Variants in CRADD observed in about 807,000 individuals in gnomAD.
CRADD encodes death domain-containing protein CRADD.
In CRADD, 9 loss-of-function variants were observed where a neutral mutation model predicts 15.5. That is an observed-to-expected ratio of 0.58 (90% confidence interval 0.35 to 1.01). The LOEUF is 1.01. Among genes scored for constraint, CRADD ranks in the 50% least tolerant of loss-of-function variants. The probability of loss-of-function intolerance (pLI) is 0.02; values close to 1 mark genes in which losing one functional copy is unlikely to be tolerated. For synonymous variants in CRADD, 118 were observed against 107.6 expected, an observed-to-expected ratio of 1.10 and a Z score of -0.60; for missense variants, 227 against 250.3, an observed-to-expected ratio of 0.91 and a Z score of 0.63.
At chr12:93,806,619 C>T (rs527856821) in intron 2 of CRADD, among the ~76,000 whole-genome samples, 1 of 151,848 alleles carries the variant, frequency 6.6e-6, no homozygotes, top group Non-Finnish European at 1.5e-5. Flanking sequence ...TTGTTATATG[C>T]CATTGAAAGA....
rs79814376 is a variant in CRADD at position 93,820,826 on chromosome 12, C to G, written c.299-29144C>G. Reference sequence around the variant, plus strand: ...CAGTCCCTCTTGGTTTCCCGTTGCCCCTGAGCTCCAGATCAAATCCCAGCT... The same window carrying G: ...CAGTCCCTCTTGGTTTCCCGTTGCCGCTGAGCTCCAGATCAAATCCCAGCT... On this transcript the variant is annotated intron_variant, in intron 2 of 2. Transcript: ENST00000332896. Among the ~76,000 whole-genome samples, 626 of 152,324 alleles carry G rather than the reference C, an allele frequency of 4.1e-3. 6 individuals carry two copies. The highest frequency in any genetic ancestry group is 0.013 in the African/African-American group (550 of 41,578).
At chr12:93,886,257 T>G (rs1253182739) in intron 2 of CRADD, among the ~76,000 whole-genome samples, 1 of 147,690 alleles carries the variant, frequency 6.8e-6, no homozygotes, top group African/African-American at 2.5e-5. Flanking sequence ...CTCCACCTCC[T>G]GGGCTCGATC....
At chr12:93,779,654 A>G (rs957396252) in intron 2 of CRADD, among the ~76,000 whole-genome samples, 3 of 151,214 alleles carry the variant, frequency 2.0e-5, no homozygotes, top group Non-Finnish European at 4.4e-5. Context: ...CAGTGGTGCA[A>G]TCTCGGCCCA....
chr12:93,710,345 C>CTTTTTTT (rs34912218), intron 2 of CRADD, among the ~76,000 whole-genome samples: 1 of 128,288 alleles, frequency 7.8e-6, no homozygotes, highest in Non-Finnish European at 1.6e-5. Flanking sequence ...TTTCCTTTTC[C>CTTTTTTT]TTTTTTTTTT....
rs1326696098 is a variant in CRADD at position 93,778,569 on chromosome 12, T to C, written c.299-71401T>C. On this transcript the variant is annotated intron_variant, in intron 2 of 2. Transcript: ENST00000332896. The stretch of plus-strand genomic sequence containing the variant: ...GCTTAGCTGATTTCTTGAAATACAA[T>C]CTTTCTCTCATGCAATTTCCTCTCA... Among the ~76,000 whole-genome samples, 5 of 152,198 alleles carry C rather than the reference T, an allele frequency of 3.3e-5. No homozygotes were observed. The East Asian group carries it at 9.6e-4, about 29-fold the overall frequency.
chr12:93,693,987 C>T (rs1955637529), intron 2 of CRADD, among the ~76,000 whole-genome samples: 1 of 151,952 alleles, frequency 6.6e-6, no homozygotes, highest in Non-Finnish European at 1.5e-5. Context: ...TTTGTAAGGC[C>T]AGAATTTACT....
intron 2 of CRADD, among the ~76,000 whole-genome samples, chr12:93,767,248 A>T (rs981088750): frequency 6.6e-6 from 1 of 152,196 alleles, no homozygotes; most frequent in African/African-American, 2.4e-5. Context: ...GATTGGTTGA[A>T]ATATTAAACT....
intron 2 of CRADD, among the ~76,000 whole-genome samples, chr12:93,795,194 A>G (rs1326930403): frequency 6.6e-6 from 1 of 152,188 alleles, no homozygotes; most frequent in East Asian, 1.9e-4. Context: ...AACATATAGA[A>G]GGTTAATGTT....
intron 2 of CRADD, among the ~76,000 whole-genome samples, chr12:93,777,123 C>T (rs147959235): frequency 2.6e-5 from 4 of 152,308 alleles, no homozygotes; most frequent in Non-Finnish European, 4.4e-5. Context: ...GTCATTCTCA[C>T]GGGCCTGTGG....
At chr12:93,748,094 C>T (rs1956783530) in intron 2 of CRADD, among the ~76,000 whole-genome samples, 1 of 151,998 alleles carries the variant, frequency 6.6e-6, no homozygotes, top group African/African-American at 2.4e-5. Context: ...GAGTGGCATC[C>T]CAGAATGGTA....
At chr12:93,868,506 A>C (rs1311195460) in intron 2 of CRADD, among the ~76,000 whole-genome samples, 1 of 152,216 alleles carries the variant, frequency 6.6e-6, no homozygotes, top group South Asian at 2.1e-4. Context: ...ATACAATGAT[A>C]TCTAAAATAT....
rs138011708 is a variant in CRADD, at chr12:93,847,770, G to A, written c.299-2200G>A. ...TAAGTGAAAAAAAATCAAGTGTGAG[G>A]AAGTGGAGAGGAAATGTAAAGTAAT... On this transcript the variant is annotated intron_variant, in intron 2 of 2. Transcript: ENST00000332896. 3.2e-3 allele frequency among the ~76,000 whole-genome samples: 494 copies of A among 152,298 alleles called. 5 individuals carry two copies. Among genetic ancestry groups the A allele is most frequent in the African/African-American group, 0.012 (478 of 41,556 alleles).
chr12:93,810,072 C>T (rs1957603548), intron 2 of CRADD, among the ~76,000 whole-genome samples: 1 of 152,182 alleles, frequency 6.6e-6, no homozygotes. Context: ...TCTAAATTAA[C>T]CAGACCATAT....
intron 2 of CRADD, among the ~76,000 whole-genome samples, chr12:93,857,817 C>T (rs926978160): frequency 1.3e-5 from 2 of 152,238 alleles, no homozygotes; most frequent in African/African-American, 4.8e-5. Flanking sequence ...TCTGCCTCCA[C>T]ATCATCTCTT....
At chr12:93,700,941 A>G (rs966990117) in intron 2 of CRADD, among the ~76,000 whole-genome samples, 6 of 152,196 alleles carry the variant, frequency 3.9e-5, no homozygotes, top group East Asian at 1.9e-4. Flanking sequence ...GCTTCTGAGC[A>G]TCTTGCACCT....
At chr12:93,854,174 G>A (rs565857113), downstream of CRADD, among the ~76,000 whole-genome samples, 1 of 152,298 alleles carries the variant, frequency 6.6e-6, no homozygotes, top group Admixed American at 6.5e-5. Context: ...TCCGATCTGG[G>A]CCAGCTCAGC....
intron 2 of CRADD, among the ~76,000 whole-genome samples, chr12:93,893,891 C>T: frequency 6.6e-6 from 1 of 151,044 alleles, no homozygotes; most frequent in East Asian, 1.9e-4. Flanking sequence ...CAGAGCAAGA[C>T]TCCATCTCAA....
At chr12:93,682,735 C>G (rs535900157) in intron 2 of CRADD, among the ~76,000 whole-genome samples, 11 of 152,012 alleles carry the variant, frequency 7.2e-5, no homozygotes, top group African/African-American at 1.4e-4. Context: ...CATCAAATCT[C>G]AAAACATACA....
intron 2 of CRADD, among the ~76,000 whole-genome samples, chr12:93,887,980 A>T (rs1354923203): frequency 6.6e-6 from 1 of 152,184 alleles, no homozygotes; most frequent in African/African-American, 2.4e-5. Context: ...CTTCCCGGTT[A>T]AAGTGCCACC....
Sources: gnomAD v4.1 joint callset for allele counts (sites outside exome capture counted in the v4.1 genomes callset) on GRCh38, gnomAD v4.1.1 for gene constraint, MANE v1.5 for transcripts, NCBI Gene and HGNC (gene_info 2026-07-23, HGNC 2026-07-21) for gene names.